RPH3AL: variants seen among roughly 807,000 people sequenced by gnomAD.
RPH3AL encodes rabphilin 3A like (without C2 domains), also known as rab effector Noc2.
Under a neutral mutation model 43.1 loss-of-function variants are expected in RPH3AL, and 38 were observed. The observed-to-expected ratio is 0.88, with a 90% CI of 0.68 to 1.15. RPH3AL has a LOEUF of 1.15. Ranked by LOEUF, RPH3AL falls within the 50% of genes most tolerant of loss-of-function variation. The pLI is 0.00. For synonymous variants in RPH3AL, 189 were observed against 176.3 expected (o/e 1.07, Z -0.57); for missense variants, 462 against 423.2 (o/e 1.09, Z -0.81).
chr17:314,381 A>T (rs553465598), intron 5 of RPH3AL, among the ~76,000 whole-genome samples: 38 of 152,182 alleles, frequency 2.5e-4, no homozygotes, highest in African/African-American at 8.9e-4. Flanking sequence ...CGAGTCCTGC[A>T]AGTTGGCCAT....
chr17:341,446 G>A (rs1418428883), intron 1 of RPH3AL: 1 of 152,194 alleles, frequency 6.6e-6, no homozygotes, highest in Non-Finnish European at 1.5e-5. Context: ...GACAAGTGCA[G>A]AGCCACCTGC....
chr17:319,509 T>A lies in RPH3AL; in HGVS notation c.262A>T (p.Met88Leu). 6.2e-7 allele frequency: 1 copy of A among 1,612,280 alleles called. No homozygotes were observed. Among genetic ancestry groups the A allele is most frequent in the Non-Finnish European group, 8.5e-7 (1 of 1,179,936 alleles). ...ERLETMRRNV[M>L]GNGLSQCLLC... ...AGACACTGGGACAGGCCGTTCCCCA[T>A]CACATTCCGCCTCATGGTCTCCAGC... is the stretch of plus-strand genomic sequence containing the variant. The change falls in exon 5 of 10, where the codon ATG becomes TTG. Residue 88 changes from methionine to leucine, a missense_variant. Physicochemically the swap from Met to Leu is conservative, Grantham distance 15. Transcript: ENST00000331302.
rs1555525129 is a variant in RPH3AL, at chr17:324,681, T to TTCTATCTAGCTA, written c.77+2785_77+2786insTAGCTAGATAGA. Among the ~76,000 whole-genome samples the TTCTATCTAGCTA allele has an allele frequency of 6.9e-5, 9 of 130,160 alleles. No homozygotes were observed. The South Asian group carries it at 7.4e-4, about 11-fold the overall frequency. 85.4% of individuals were successfully genotyped at this position (130,160 alleles called of 152,430 possible). A position where few individuals can be genotyped will look rare whatever the true frequency, so the allele number is the denominator to read the frequency against. The stretch of plus-strand genomic sequence containing the variant: ...TCACTCCTATTCTTTCTTTCTATCT[T>TTCTATCTAGCTA]TCTATCTATCTAGCTAGCTAGCTAT... On this transcript the variant is annotated intron_variant, in intron 3 of 9. Transcript: ENST00000331302.
At chr17:254,530 T>G (rs371233563) in intron 6 of RPH3AL, among the ~76,000 whole-genome samples, 1 of 8,846 alleles carries the variant, frequency 1.1e-4, no homozygotes, top group African/African-American at 1.4e-3. Flanking sequence ...CGTCTGTCCT[T>G]TTCCATCCCT....
At chr17:247,339 C>G (rs1366235028) in intron 6 of RPH3AL, 54 bp from the exon 7 acceptor site, 2 of 1,485,448 alleles carry the variant, frequency 1.3e-6, no homozygotes, top group Non-Finnish European at 9.0e-7. Context: ...AGCCTCCCCT[C>G]CTGCTCCTTG....
chr17:226,081 G>T (rs2151508445), intron 7 of RPH3AL, among the ~76,000 whole-genome samples: 1 of 152,384 alleles, frequency 6.6e-6, no homozygotes, highest in South Asian at 2.1e-4. Flanking sequence ...CCCTGGAGGT[G>T]GAGTTAGGGT....
At chr17:308,375 A>G (rs754347831) in intron 5 of RPH3AL, among the ~76,000 whole-genome samples, 1 of 152,222 alleles carries the variant, frequency 6.6e-6, no homozygotes, top group Non-Finnish European at 1.5e-5. Context: ...TGCAGCTGCC[A>G]CGGAAAGCAG....
rs2044852660 is a variant in RPH3AL at position 333,343 on chromosome 17, A to G, written c.-37+416T>C. On this transcript the variant is annotated intron_variant, in intron 2 of 9. Coordinates refer to ENST00000331302, the MANE Select transcript of RPH3AL (RefSeq NM_006987.4). The surrounding 1 kb of genome is among the most constrained non-coding windows in gnomAD (Gnocchi z 4.5). ...AAGAGAAAACACCTTAAATTCTCAC[A>G]TCAGCCACCCCCATGGCGACTCTTA... is the stretch of plus-strand genomic sequence containing the variant. 6 of 1,249,566 alleles carry G rather than the reference A, an allele frequency of 4.8e-6. No individual in the cohort carries two copies. The highest frequency in any genetic ancestry group is 4.6e-5 in the Admixed American group (2 of 43,366). 77.4% of individuals were successfully genotyped at this position (1,249,566 alleles called of 1,614,324 possible).
At chr17:307,666 G>C (rs1018504842) in intron 5 of RPH3AL, among the ~76,000 whole-genome samples, 1 of 152,198 alleles carries the variant, frequency 6.6e-6, no homozygotes, top group Non-Finnish European at 1.5e-5. Flanking sequence ...GCCTTGCCAG[G>C]GATCCGTGTG....
chr17:315,449 C>A (rs878918286), intron 5 of RPH3AL, among the ~76,000 whole-genome samples: 416 of 35,686 alleles, frequency 0.012, no homozygotes, highest in Admixed American at 0.023. Context: ...TGCCTCACCT[C>A]CATTGACCTG....
chr17:233,878 C>G (rs1478031664), intron 7 of RPH3AL, among the ~76,000 whole-genome samples: 1 of 121,166 alleles, frequency 8.3e-6, no homozygotes, highest in Non-Finnish European at 1.8e-5. Flanking sequence ...GGCTACTTCC[C>G]CTGACCAACT....
At chr17:251,802 C>T (rs575643406) in intron 6 of RPH3AL, among the ~76,000 whole-genome samples, 3 of 152,342 alleles carry the variant, frequency 2.0e-5, no homozygotes, top group Non-Finnish European at 2.9e-5. Context: ...AAGCTCTGCT[C>T]ATCCTGCCCT....
chr17:298,558 A>C (rs1182812833), intron 5 of RPH3AL, among the ~76,000 whole-genome samples: 1 of 149,938 alleles, frequency 6.7e-6, no homozygotes, highest in Non-Finnish European at 1.5e-5. Flanking sequence ...AAAAAAAATT[A>C]GCCAGGCATG....
At chr17:301,330 G>T (rs1330023829) in intron 5 of RPH3AL, among the ~76,000 whole-genome samples, 7 of 152,294 alleles carry the variant, frequency 4.6e-5, no homozygotes, top group Middle Eastern at 3.4e-3. Flanking sequence ...TTGAGACAGG[G>T]TCTCACGCTG....
At chr17:244,210 A>AC (rs766710583) in intron 7 of RPH3AL, among the ~76,000 whole-genome samples, 2 of 126,612 alleles carry the variant, frequency 1.6e-5, no homozygotes, top group Non-Finnish European at 3.4e-5. Context: ...TCTATTGATC[A>AC]CCTTCCTCTA....
Position 314,633 on chromosome 17 carries a change from G to C in RPH3AL, c.351+4787C>G. Among the ~76,000 whole-genome samples the C allele has an allele frequency of 2.5e-5, 3 of 118,420 alleles. No individual in the cohort carries two copies. In the East Asian group the frequency reaches 6.7e-4, roughly 27 times the overall value. The allele number at this position is 118,420 out of a possible 152,430, so 77.7% of individuals were successfully genotyped here. On this transcript the variant is annotated intron_variant, in intron 5 of 9. Coordinates refer to ENST00000331302, the MANE Select transcript of RPH3AL (RefSeq NM_006987.4). ...GTAGTCCCTGTGCCCCACCTCCATT[G>C]ACCTGTAGTCCCTGTGACTCCACCT... is the stretch of plus-strand genomic sequence containing the variant.
At position 234,736 on chromosome 17, in the gene RPH3AL, C is replaced by T. The variant is rs563657258; in HGVS notation, c.613+12375G>A. ...AAGGCTGTGGAGAATTCACGTACCG[C>T]GGCTGGTATATGTGACAGAAATGGC... is the stretch of plus-strand genomic sequence containing the variant. On this transcript the variant is annotated intron_variant, in intron 7 of 9. Transcript: ENST00000331302. Among the ~76,000 whole-genome samples, 11 of 152,264 alleles carry T rather than the reference C, an allele frequency of 7.2e-5. 1 individual carries two copies. Among genetic ancestry groups the T allele is most frequent in the African/African-American group, 1.4e-4 (6 of 41,540 alleles).
rs1017915094 is a variant in RPH3AL at position 245,387 on chromosome 17, G to A, written c.613+1724C>T. ...AGTGTGTGTGTGTGGATGTCAGTGT[G>A]TGTGTGGATATCAGTGTGTGTGTGT... is the stretch of plus-strand genomic sequence containing the variant. On this transcript the variant is annotated intron_variant, in intron 7 of 9. Transcript: ENST00000331302. This position sits in a 1 kb window ranked among gnomAD's most constrained non-coding sequence, Gnocchi z 5.9. Among the ~76,000 whole-genome samples, 2 of 150,156 alleles carry A rather than the reference G, an allele frequency of 1.3e-5. No homozygotes were observed. The highest frequency in any genetic ancestry group is 3.9e-4 in the East Asian group (2 of 5,078).
chr17:267,660 C>T (rs374038012), intron 6 of RPH3AL, among the ~76,000 whole-genome samples: 27 of 152,258 alleles, frequency 1.8e-4, no homozygotes, highest in East Asian at 7.7e-4. Flanking sequence ...GGCTCATTTC[C>T]GACGGGTCTT....
Sources: allele counts gnomAD v4.1 joint callset (sites outside exome capture counted in the v4.1 genomes callset), GRCh38; gene constraint gnomAD v4.1.1; non-coding constraint Gnocchi (gnomAD v3.1); transcripts MANE v1.5; gene names NCBI Gene and HGNC (gene_info 2026-07-23, HGNC 2026-07-21).